The following CUL2 variants were observed in gnomAD, a reference collection of about 807,000 sequenced individuals.
CUL2 encodes cullin 2, also known as cullin-2.
In CUL2, 22 loss-of-function variants were observed where a neutral mutation model predicts 110.2. The observed-to-expected ratio is 0.20, with a 90% CI of 0.14 to 0.28. CUL2 has a LOEUF of 0.28. Ranked by LOEUF, CUL2 falls within the 10% of genes least tolerant of loss-of-function variation. The pLI is 1.00. For synonymous variants in CUL2, 279 were observed against 293.2 expected (o/e 0.95, Z 0.49); for missense variants, 631 against 905.5 (o/e 0.70, Z 3.89).
chr10:35,106,296 TG>T (rs1395836055), intron 1 of CUL2, among the ~76,000 whole-genome samples: 118 of 148,262 alleles, frequency 8.0e-4, no homozygotes, highest in African/African-American at 2.7e-3. Context: ...AAAATAAATG[TG>T]TTTTTTGTTT....
Position 35,018,241 on chromosome 10 carries a change from C to T in CUL2, c.1685-1847G>A, listed in dbSNP as rs184402988. Among the ~76,000 whole-genome samples, 850 of 128,398 alleles carry T rather than the reference C, an allele frequency of 6.6e-3. 12 individuals are homozygous for T. The highest frequency in any genetic ancestry group is 0.024 in the African/African-American group (803 of 33,548). The allele number at this position is 128,398 out of a possible 152,430, so 84.2% of individuals were successfully genotyped here. ...GGCGGAGCTTGCAGTGAGCCGAGAT[C>T]GCACCACTGCACTCCAGCCTGGGCA... On this transcript the variant is annotated intron_variant, in intron 17 of 20. Transcript: ENST00000374749.
intron 2 of CUL2, among the ~76,000 whole-genome samples, chr10:35,097,796 C>CA (rs970188424): frequency 6.6e-5 from 10 of 151,540 alleles, no homozygotes; most frequent in African/African-American, 2.4e-4. Flanking sequence ...CCATCTTTAC[C>CA]AAAAATACAA....
Position 35,032,453 on chromosome 10 carries a change from A to G in CUL2, c.1152T>C (p.Val384=). The G allele has an allele frequency of 6.3e-7, 1 of 1,592,408 alleles. No homozygotes were observed. The highest frequency in any genetic ancestry group is 8.5e-7 in the Non-Finnish European group (1 of 1,173,460). The change falls in exon 12 of 21, where the codon GTT becomes GTC. Residue 384 remains valine, a synonymous_variant. Coordinates refer to ENST00000374749, the MANE Select transcript of CUL2 (RefSeq NM_003591.4). The stretch of plus-strand genomic sequence containing the variant: ...AACTTACCAGTTCAGGTGCTTTGCA[A>G]ACAGACTTAGGTTCTCTGTAATTTA... ...SVVNYREPKS[V]CKAPELLAKY...
At chr10:35,114,508 G>A (rs542812447) in intron 1 of CUL2, among the ~76,000 whole-genome samples, 6 of 151,514 alleles carry the variant, frequency 4.0e-5, no homozygotes, top group African/African-American at 1.2e-4. Context: ...TCAGCCTCCC[G>A]AGTAGCTGGG....
chr10:35,122,270 T>C (rs897665602), intron 1 of CUL2, among the ~76,000 whole-genome samples: 1 of 152,222 alleles, frequency 6.6e-6, no homozygotes, highest in African/African-American at 2.4e-5. Flanking sequence ...TAAAATAAAA[T>C]AGGATAGTCA....
At chr10:35,044,735 A>T (rs2085890960) in intron 7 of CUL2, 37 bp downstream of exon 7, 1 of 1,583,012 alleles carries the variant, frequency 6.3e-7, no homozygotes, top group Non-Finnish European at 8.7e-7. Flanking sequence ...TAAGAAATTA[A>T]CAGTCTGATT....
chr10:35,041,558 G>A (rs2085788752), intron 8 of CUL2, among the ~76,000 whole-genome samples: 1 of 152,148 alleles, frequency 6.6e-6, no homozygotes, highest in Non-Finnish European at 1.5e-5. Flanking sequence ...TCTTTTGTCA[G>A]ACAGGATCTC....
intron 1 of CUL2, among the ~76,000 whole-genome samples, chr10:35,088,135 G>C (rs1009105302): frequency 3.3e-5 from 5 of 152,218 alleles, no homozygotes; most frequent in African/African-American, 9.6e-5. Flanking sequence ...TTCCCACACA[G>C]CACTTATTCT....
intron 5 of CUL2, among the ~76,000 whole-genome samples, chr10:35,053,546 T>G (rs1258082197): frequency 2.6e-5 from 4 of 152,252 alleles, no homozygotes; most frequent in Non-Finnish European, 5.9e-5. Flanking sequence ...TTAGGCACCC[T>G]ATTAACAATG....
intron 2 of CUL2, among the ~76,000 whole-genome samples, chr10:35,063,664 G>A (rs993099852): frequency 6.6e-6 from 1 of 151,794 alleles, no homozygotes; most frequent in Admixed American, 6.6e-5. Context: ...AACAGAAGGA[G>A]TGGAAAGAAG....
chr10:35,022,517 A>G (rs2085228261), intron 17 of CUL2, among the ~76,000 whole-genome samples: 2 of 152,248 alleles, frequency 1.3e-5, no homozygotes, highest in African/African-American at 4.8e-5. Context: ...GTCCAGCCTC[A>G]GAGCCAGTGT....
intron 8 of CUL2, among the ~76,000 whole-genome samples, chr10:35,040,327 T>C (rs2085750562): frequency 6.6e-6 from 1 of 152,126 alleles, no homozygotes; most frequent in Non-Finnish European, 1.5e-5. Context: ...ACCAAAGAAT[T>C]TGACTAATTT....
Position 35,039,101 on chromosome 10 carries a change from A to G in CUL2, c.715-19T>C. On this transcript the variant is annotated intron_variant, in intron 8 of 20. Transcript: ENST00000374749. ...CTAGAACCTATAAAAATATTTTCTT[A>G]CAGTCATGAACACAAAGTTTTACTA... The G allele has an allele frequency of 6.8e-7, 1 of 1,481,060 alleles. No homozygotes were observed. The highest frequency in any genetic ancestry group is 9.1e-7 in the Non-Finnish European group (1 of 1,104,440). The allele number at this position is 1,481,060 out of a possible 1,614,324, so 91.7% of individuals were successfully genotyped here.
intron 6 of CUL2, among the ~76,000 whole-genome samples, chr10:35,048,465 A>T (rs186916667): frequency 6.6e-6 from 1 of 152,378 alleles, no homozygotes; most frequent in East Asian, 1.9e-4. Context: ...ATATTAAAAA[A>T]GATATTTCAC....
intron 1 of CUL2, among the ~76,000 whole-genome samples, chr10:35,112,239 G>T (rs142138525): frequency 6.6e-6 from 1 of 152,152 alleles, no homozygotes; most frequent in Non-Finnish European, 1.5e-5. Context: ...TGCTTTCAGC[G>T]AAGATGGAAA....
At chr10:35,120,163 T>C (rs568366060) in intron 1 of CUL2, 2 of 152,280 alleles carry the variant, frequency 1.3e-5, no homozygotes, top group South Asian at 4.1e-4. Flanking sequence ...AACTCAGATA[T>C]AGAAGTCCCT....
chr10:35,035,570 T>C (rs1484632788), intron 9 of CUL2, among the ~76,000 whole-genome samples: 2 of 152,232 alleles, frequency 1.3e-5, no homozygotes, highest in East Asian at 3.8e-4. Flanking sequence ...GTATTTTGTA[T>C]ATTATTTGTA....
At chr10:35,071,368 A>G (rs1233913991) in intron 1 of CUL2, 29 bp from the exon 2 acceptor site, 1 of 1,581,492 alleles carries the variant, frequency 6.3e-7, no homozygotes, top group Admixed American at 1.7e-5. Context: ...TAACAATGTT[A>G]GCAATAATTC....
intron 17 of CUL2, among the ~76,000 whole-genome samples, chr10:35,021,833 AGGTG>A: frequency 1.4e-5 from 1 of 73,612 alleles, no homozygotes; most frequent in African/African-American, 5.3e-5. Flanking sequence ...AGGTGAGGCG[AGGTG>A]AGGTGAGGTG....
Sources: allele counts gnomAD v4.1 joint callset (sites outside exome capture counted in the v4.1 genomes callset), GRCh38; gene constraint gnomAD v4.1.1; transcripts MANE v1.5; gene names NCBI Gene and HGNC (gene_info 2026-07-23, HGNC 2026-07-21).